The following DNAJB14 variants were observed in gnomAD, a reference collection of about 807,000 sequenced individuals.
The protein encoded by DNAJB14 is DnaJ heat shock protein family (Hsp40) member B14, also known as dnaJ homolog subfamily B member 14.
DNAJB14 carries 22 observed loss-of-function variants against 48.4 expected under a neutral mutation model. The observed-to-expected ratio is 0.45, with a 90% CI of 0.32 to 0.65. The LOEUF (loss-of-function observed/expected upper bound fraction) is 0.65, where lower values mean the gene tolerates loss of function less well. DNAJB14 is among the 30% of genes least tolerant of loss of function. DNAJB14 has a pLI of 0.03. For missense variants in DNAJB14, 319 were observed against 458.8 expected (o/e 0.70, Z 2.78); for synonymous variants, 142 against 158.7 (o/e 0.89, Z 0.79).
chr4:99,923,890 A>G, intron 2 of DNAJB14: 1 of 984,990 alleles, frequency 1.0e-6, no homozygotes, highest in Non-Finnish European at 1.2e-6. Context: ...GAAAAAGATA[A>G]CATCTCATGA....
intron 3 of DNAJB14, among the ~76,000 whole-genome samples, chr4:99,920,222 T>C (rs1726006137): frequency 6.6e-6 from 1 of 152,236 alleles, no homozygotes; most frequent in Admixed American, 6.5e-5. Flanking sequence ...GTAAGGTTTA[T>C]TTCCCCCTTA....
intron 1 of DNAJB14, among the ~76,000 whole-genome samples, chr4:99,945,241 CTTTCA>C (rs1324973154): frequency 6.6e-6 from 1 of 152,150 alleles, no homozygotes; most frequent in Non-Finnish European, 1.5e-5. Flanking sequence ...TAACTCTTTT[CTTTCA>C]TTTTATTTTC....
intron 1 of DNAJB14, chr4:99,942,228 G>A (rs750003986): frequency 2.6e-5 from 4 of 151,728 alleles, no homozygotes; most frequent in African/African-American, 7.3e-5. Flanking sequence ...ATACTTATCC[G>A]TTCATTACAG....
chr4:99,917,569 C>G (rs1458276845), intron 3 of DNAJB14, among the ~76,000 whole-genome samples: 1 of 152,190 alleles, frequency 6.6e-6, no homozygotes, highest in Admixed American at 6.5e-5. Context: ...TACCAGAGTA[C>G]CATGTTCTTT....
intron 3 of DNAJB14, 181 bp downstream of exon 3, chr4:99,922,859 A>G (rs1277874280): frequency 1.7e-6 from 1 of 601,220 alleles, no homozygotes; most frequent in Middle Eastern, 4.9e-4. Context: ...GTGAAGCCAA[A>G]CTGCATTTGT....
chr4:99,944,446 T>C (rs1289163558), intron 1 of DNAJB14, among the ~76,000 whole-genome samples: 2 of 152,196 alleles, frequency 1.3e-5, no homozygotes, highest in African/African-American at 4.8e-5. Context: ...CATAGCAGCA[T>C]TATTCATAAT....
intron 2 of DNAJB14, chr4:99,930,123 T>C (rs1726408219): frequency 5.8e-6 from 1 of 171,788 alleles, no homozygotes; most frequent in Non-Finnish European, 1.2e-5. Context: ...CCCATTTTCA[T>C]CTATGTAAAA....
intron 1 of DNAJB14, among the ~76,000 whole-genome samples, chr4:99,933,642 G>A (rs1023105921): frequency 2.1e-4 from 32 of 152,172 alleles, no homozygotes; most frequent in African/African-American, 7.2e-4. Flanking sequence ...CGCAATGAAC[G>A]GAAACCAGCA....
intron 4 of DNAJB14, among the ~76,000 whole-genome samples, chr4:99,907,011 T>C (rs925624350): frequency 6.6e-6 from 1 of 152,200 alleles, no homozygotes; most frequent in African/African-American, 2.4e-5. Context: ...AGTGTTCAAA[T>C]TCATTTTTAA....
intron 6 of DNAJB14, among the ~76,000 whole-genome samples, chr4:99,904,995 A>T (rs1459734570): frequency 1.3e-5 from 2 of 151,882 alleles, no homozygotes; most frequent in African/African-American, 4.8e-5. Flanking sequence ...AAAATCACTG[A>T]TTTTTATTAT....
Position 99,938,097 on chromosome 4 carries a change from C to CAAAAAAAAAAAAAAAAAAAAAAAAAAAAA in DNAJB14, c.134-7505_134-7477dup, listed in dbSNP as rs59597113. On this transcript the variant is annotated intron_variant, in intron 1 of 7. Coordinates refer to ENST00000442697, the MANE Select transcript of DNAJB14 (RefSeq NM_001031723.4). ...ACATGGCGAAACCATGTTAAAAATA[C>CAAAAAAAAAAAAAAAAAAAAAAAAAAAAA]AAAAAAAAAAAAAAAAAAAAAAAAA... Among the ~76,000 whole-genome samples, 7 of 40,974 alleles carry CAAAAAAAAAAAAAAAAAAAAAAAAAAAAA rather than the reference C, an allele frequency of 1.7e-4. 1 individual carries two copies. The highest frequency in any genetic ancestry group is 2.4e-4 in the African/African-American group (3 of 12,694). 26.9% of individuals were successfully genotyped at this position (40,974 alleles called of 152,430 possible).
chr4:99,930,931 A>C (rs559947308), intron 1 of DNAJB14, among the ~76,000 whole-genome samples: 1 of 152,328 alleles, frequency 6.6e-6, no homozygotes, highest in Non-Finnish European at 1.5e-5. Flanking sequence ...TAAGTCTTTA[A>C]AGTAGCCAAT....
At chr4:99,923,591 G>C in intron 2 of DNAJB14, 1 of 815,062 alleles carries the variant, frequency 1.2e-6, no homozygotes, top group South Asian at 5.6e-5. Flanking sequence ...GAATGAACAT[G>C]CATTACATTC....
At chr4:99,907,853 G>A (rs1198756113) in intron 4 of DNAJB14, among the ~76,000 whole-genome samples, 1 of 152,116 alleles carries the variant, frequency 6.6e-6, no homozygotes, top group East Asian at 1.9e-4. Context: ...AAGTACCTTA[G>A]AGGAGCTACA....
intron 1 of DNAJB14, 85 bp downstream of exon 1, chr4:99,946,354 C>T: frequency 6.5e-7 from 1 of 1,538,062 alleles, no homozygotes; most frequent in South Asian, 1.2e-5. Context: ...CCGCAGGCCT[C>T]CAGGAGGGGC....
At chr4:99,909,903 A>T (rs1270091870) in intron 3 of DNAJB14, among the ~76,000 whole-genome samples, 1 of 152,072 alleles carries the variant, frequency 6.6e-6, no homozygotes, top group East Asian at 1.9e-4. Context: ...TAAAACTAAG[A>T]ACTATCCTAT....
chr4:99,915,354 G>A (rs1255769121), intron 3 of DNAJB14, among the ~76,000 whole-genome samples: 1 of 152,148 alleles, frequency 6.6e-6, no homozygotes, highest in African/African-American at 2.4e-5. Flanking sequence ...AGCCAAGATG[G>A]TCTCAAATTC....
At chr4:99,906,966 C>T (rs1261481073) in intron 4 of DNAJB14, among the ~76,000 whole-genome samples, 1 of 152,106 alleles carries the variant, frequency 6.6e-6, no homozygotes. Flanking sequence ...TTGCATTTAT[C>T]AATGAATCAT....
At chr4:99,941,583 T>G (rs143225176) in intron 1 of DNAJB14, among the ~76,000 whole-genome samples, 2 of 152,280 alleles carry the variant, frequency 1.3e-5, no homozygotes, top group African/African-American at 4.8e-5. Context: ...ATATACCAGA[T>G]AGATACTTCA....
Sources: allele counts gnomAD v4.1 joint callset (sites outside exome capture counted in the v4.1 genomes callset), GRCh38; gene constraint gnomAD v4.1.1; transcripts MANE v1.5; gene names NCBI Gene and HGNC (gene_info 2026-07-23, HGNC 2026-07-21).